Variants in MACROD2 observed in about 807,000 individuals in gnomAD.
MACROD2 encodes ADP-ribose glycohydrolase MACROD2.
MACROD2 carries 36 observed loss-of-function variants against 70.4 expected under a neutral mutation model. The ratio of observed to expected loss-of-function variants is 0.51; its 90% CI spans 0.39 to 0.68. MACROD2 has a LOEUF of 0.68. MACROD2 is among the 30% of genes least tolerant of loss of function. The pLI is 0.00. For synonymous variants in MACROD2, 172 were observed against 178.8 expected, an observed-to-expected ratio of 0.96 and a Z score of 0.30; for missense variants, 496 against 538.4, an observed-to-expected ratio of 0.92 and a Z score of 0.78.
chr20:15,467,485 C>T (rs1041150168), intron 7 of MACROD2, among the ~76,000 whole-genome samples: 12 of 152,194 alleles, frequency 7.9e-5, no homozygotes, highest in African/African-American at 2.9e-4. Flanking sequence ...CGAAACATTG[C>T]ACTCCCCGTT....
intron 8 of MACROD2, among the ~76,000 whole-genome samples, chr20:15,706,849 T>C (rs1324527945): frequency 6.6e-6 from 1 of 152,186 alleles, no homozygotes; most frequent in Admixed American, 6.5e-5. Flanking sequence ...TCATGATAAT[T>C]CAGAGTTTCT....
chr20:15,207,495 T>A (rs963901462), intron 5 of MACROD2, among the ~76,000 whole-genome samples: 1 of 139,296 alleles, frequency 7.2e-6, no homozygotes, highest in Non-Finnish European at 1.5e-5. Context: ...CAGGCTGCAG[T>A]GCAGTGGCAT....
intron 3 of MACROD2, among the ~76,000 whole-genome samples, chr20:14,397,723 AT>A (rs888824771): frequency 2.6e-5 from 4 of 152,018 alleles, no homozygotes; most frequent in East Asian, 1.9e-4. Flanking sequence ...ACAAACATTT[AT>A]TTTTTTTGTG....
chr20:14,263,106 C>T (rs1483697668), intron 3 of MACROD2, among the ~76,000 whole-genome samples: 1 of 152,040 alleles, frequency 6.6e-6, no homozygotes, highest in Non-Finnish European at 1.5e-5. Flanking sequence ...TGGAGGGTGA[C>T]TTTTCGTTAG....
chr20:14,871,038 A>G (rs2073481886), intron 5 of MACROD2, among the ~76,000 whole-genome samples: 1 of 152,162 alleles, frequency 6.6e-6, no homozygotes, highest in Admixed American at 6.6e-5. Flanking sequence ...TATGTCCTGA[A>G]TGGTACTGGT....
intron 6 of MACROD2, among the ~76,000 whole-genome samples, chr20:15,410,050 T>C (rs1352356460): frequency 6.6e-6 from 1 of 152,210 alleles, no homozygotes; most frequent in Non-Finnish European, 1.5e-5. Flanking sequence ...TTTCTTTTTC[T>C]TTAAAAAAAA....
chr20:14,884,668 GT>G (rs2073651063), intron 5 of MACROD2: 1 of 152,058 alleles, frequency 6.6e-6, no homozygotes, highest in Non-Finnish European at 1.5e-5. Context: ...GCATTCCAAA[GT>G]TAACCTGAAA....
intron 15 of MACROD2, among the ~76,000 whole-genome samples, chr20:16,023,473 CAAA>C (rs60347463): frequency 2.8e-5 from 2 of 71,448 alleles, no homozygotes; most frequent in South Asian, 7.0e-4. Context: ...GACTCCATCT[CAAA>C]AAAAAAAAAA....
At chr20:15,032,730 T>C (rs1482781678) in intron 5 of MACROD2, among the ~76,000 whole-genome samples, 1 of 152,194 alleles carries the variant, frequency 6.6e-6, no homozygotes, top group South Asian at 2.1e-4. Flanking sequence ...TTTTGGCATA[T>C]ACCTAAAAGA....
At chr20:15,787,758 T>G (rs2051954276) in intron 8 of MACROD2, among the ~76,000 whole-genome samples, 1 of 152,160 alleles carries the variant, frequency 6.6e-6, no homozygotes, top group Admixed American at 6.5e-5. Context: ...AAAATAAAAT[T>G]TTTGTGCTAT....
intron 5 of MACROD2, among the ~76,000 whole-genome samples, chr20:14,868,839 T>G (rs936861134): frequency 6.6e-6 from 1 of 152,152 alleles, no homozygotes; most frequent in Non-Finnish European, 1.5e-5. Context: ...CTGTATGTAT[T>G]GCCATATTGA....
At chr20:14,211,569 G>A (rs1416683512) in intron 3 of MACROD2, among the ~76,000 whole-genome samples, 1 of 152,168 alleles carries the variant, frequency 6.6e-6, no homozygotes, top group Non-Finnish European at 1.5e-5. Flanking sequence ...GTGTCCAGGA[G>A]TCTGATAGTA....
At chr20:14,956,791 G>A (rs1394951403) in intron 5 of MACROD2, among the ~76,000 whole-genome samples, 1 of 152,072 alleles carries the variant, frequency 6.6e-6, no homozygotes, top group East Asian at 1.9e-4. Flanking sequence ...TTTAATTAGG[G>A]GGCAGTTGGA....
At chr20:15,755,110 C>T (rs780513176) in intron 8 of MACROD2, among the ~76,000 whole-genome samples, 2 of 152,120 alleles carry the variant, frequency 1.3e-5, no homozygotes, top group Admixed American at 6.5e-5. Context: ...CCACCTGCAT[C>T]GGCCTCCCAA....
rs772067044 is a variant in MACROD2, at chr20:16,041,276, A to T, written c.1229A>T (p.Asp410Val). The change falls in exon 16 of 18, where the codon GAT becomes GTT. Residue 410 changes from aspartate (D) to valine (V), a missense_variant and splice_region_variant. Coordinates refer to ENST00000684519, the MANE Select transcript of MACROD2 (RefSeq NM_001351661.2). ...SSDLENTPGP[D>V]VEMNSQVDKV... is the part of the protein sequence containing the mutation. ...GACCTAGAAAATACTCCAGGTCCTG[A>T]TGGTAAGGTTCTGAGCTATTGGAGC... is the stretch of plus-strand genomic sequence containing the variant. 1 of 1,611,312 alleles carries T rather than the reference A, an allele frequency of 6.2e-7. No homozygotes were observed. Among genetic ancestry groups the T allele is most frequent in the Non-Finnish European group, 8.5e-7 (1 of 1,178,332 alleles).
At chr20:15,663,844 A>G (rs1469243641) in intron 8 of MACROD2, among the ~76,000 whole-genome samples, 1 of 152,162 alleles carries the variant, frequency 6.6e-6, no homozygotes. Flanking sequence ...ATAAGGCCCC[A>G]CTCATCAACA....
chr20:14,764,194 C>T (rs1305684969), intron 5 of MACROD2, among the ~76,000 whole-genome samples: 2 of 152,068 alleles, frequency 1.3e-5, no homozygotes, highest in Non-Finnish European at 2.9e-5. Context: ...CCGCCTTCCC[C>T]ACATTGGGTC....
At chr20:14,446,854 TATA>T (rs1241723451) in intron 3 of MACROD2, among the ~76,000 whole-genome samples, 5 of 152,054 alleles carry the variant, frequency 3.3e-5, no homozygotes, top group African/African-American at 7.3e-5. Flanking sequence ...TATAAACTAT[TATA>T]ATATCACCTG....
intron 6 of MACROD2, among the ~76,000 whole-genome samples, chr20:15,292,689 A>G (rs1171171017): frequency 6.6e-6 from 1 of 152,228 alleles, no homozygotes; most frequent in Non-Finnish European, 1.5e-5. Flanking sequence ...GCCTCTAGCT[A>G]TACAATTAGC....
Sources: gnomAD v4.1 joint callset for allele counts (sites outside exome capture counted in the v4.1 genomes callset) on GRCh38, gnomAD v4.1.1 for gene constraint, MANE v1.5 for transcripts, NCBI Gene and HGNC (gene_info 2026-07-23, HGNC 2026-07-21) for gene names.